BRAF: variants seen among roughly 807,000 people sequenced by gnomAD.
The protein encoded by BRAF is B-Raf proto-oncogene, serine/threonine kinase, also known as serine/threonine-protein kinase B-raf.
A neutral mutation model predicts 104.6 loss-of-function variants in BRAF; 16 were observed. The ratio of observed to expected loss-of-function variants is 0.15; its 90% CI spans 0.10 to 0.23. The LOEUF is 0.23. BRAF is among the 10% of genes least tolerant of loss of function. The pLI is 1.00. For synonymous variants in BRAF, 310 were observed against 341.6 expected, an observed-to-expected ratio of 0.91 and a Z score of 1.02; for missense variants, 541 against 937.3, an observed-to-expected ratio of 0.58 and a Z score of 5.52.
At chr7:140,901,640 G>GTA (rs1815649236) in intron 1 of BRAF, among the ~76,000 whole-genome samples, 2 of 152,222 alleles carry the variant, frequency 1.3e-5, no homozygotes, top group South Asian at 4.1e-4. Context: ...TCAGTACAGG[G>GTA]TATGTACCAT....
In BRAF at chr7:140,801,395, A is replaced by G. The variant is rs1317276472; in HGVS notation, c.860+17T>C. Reference sequence around the variant, plus strand: ...GTAAAATGGTAGGTAGAAAAGAGATATTTTTGGATTACTTACTCAAGTTGG... The same window carrying G: ...GTAAAATGGTAGGTAGAAAAGAGATGTTTTTGGATTACTTACTCAAGTTGG... On this transcript the variant is annotated intron_variant, in intron 6 of 19. Coordinates refer to ENST00000644969, the MANE Select transcript of BRAF (RefSeq NM_001374258.1). 6.2e-7 allele frequency: 1 copy of G among 1,613,060 alleles called. No individual in the cohort carries two copies. Among genetic ancestry groups the G allele is most frequent in the Non-Finnish European group, 8.5e-7 (1 of 1,179,140 alleles).
intron 1 of BRAF, among the ~76,000 whole-genome samples, chr7:140,876,106 G>A (rs1812223355): frequency 6.6e-6 from 1 of 152,118 alleles, no homozygotes; most frequent in Non-Finnish European, 1.5e-5. Flanking sequence ...CAATAGCATT[G>A]CCCAATGAAG....
chr7:140,897,343 G>A (rs1815050691), intron 1 of BRAF, among the ~76,000 whole-genome samples: 1 of 151,964 alleles, frequency 6.6e-6, no homozygotes, highest in African/African-American at 2.4e-5. Context: ...TGTACAAATG[G>A]TGTTGGGAAA....
At position 140,778,082 on chromosome 7, in the gene BRAF, G is replaced by C. The variant is rs1057522055; in HGVS notation, c.1553-7C>G. The C allele has an allele frequency of 6.2e-7, 1 of 1,613,014 alleles. No individual in the cohort carries two copies. On this transcript the variant is annotated splice_region_variant and splice_polypyrimidine_tract_variant and intron_variant, in intron 12 of 19. Transcript: ENST00000644969. ...ATTTTCACTGCCACATCACCTAAAA[G>C]GCAATTGTTACTCCAAGTGTCATTT...
At chr7:140,827,815 T>C (rs949406681) in intron 3 of BRAF, among the ~76,000 whole-genome samples, 3 of 152,218 alleles carry the variant, frequency 2.0e-5, no homozygotes, top group Non-Finnish European at 4.4e-5. Flanking sequence ...TGCTAAAGCA[T>C]GAAACCAGCC....
At chr7:140,800,918 A>G (rs1803035299) in intron 6 of BRAF, 1 of 245,284 alleles carries the variant, frequency 4.1e-6, no homozygotes, top group East Asian at 1.1e-4. Flanking sequence ...AAAAACTGGC[A>G]TACAGCAAAG....
intron 1 of BRAF, among the ~76,000 whole-genome samples, chr7:140,884,460 T>TGC (rs1563016027): frequency 1.3e-5 from 2 of 150,494 alleles, no homozygotes; most frequent in African/African-American, 4.9e-5. Flanking sequence ...TGTGTGTGTG[T>TGC]GTGTGTGTGT....
At chr7:140,871,080 A>G (rs952547974) in intron 1 of BRAF, among the ~76,000 whole-genome samples, 1 of 151,478 alleles carries the variant, frequency 6.6e-6, no homozygotes, top group Non-Finnish European at 1.5e-5. Context: ...ACAAAAAAAA[A>G]TACAAAAAAA....
intron 7 of BRAF, chr7:140,799,758 T>A (rs962764088): frequency 4.2e-6 from 1 of 237,090 alleles, no homozygotes; most frequent in Non-Finnish European, 8.3e-6. Flanking sequence ...CATACTTCAA[T>A]ATACTCCATC....
intron 1 of BRAF, among the ~76,000 whole-genome samples, chr7:140,898,180 G>C (rs1295268508): frequency 6.6e-6 from 1 of 152,138 alleles, no homozygotes; most frequent in African/African-American, 2.4e-5. Flanking sequence ...TCTCAAAAGA[G>C]TGGGAGGCTT....
In BRAF at chr7:140,721,356, T is replaced by C. The variant is rs1181938911; in HGVS notation, c.*5138A>G. 2 of 1,214,908 alleles carry C rather than the reference T, an allele frequency of 1.6e-6. No homozygotes were observed. Among genetic ancestry groups the C allele is most frequent in the Non-Finnish European group, 2.0e-6 (2 of 977,804 alleles). 75.3% of individuals were successfully genotyped at this position (1,214,908 alleles called of 1,614,324 possible). A position where few individuals can be genotyped will look rare whatever the true frequency, so the allele number is the denominator to read the frequency against. Reference sequence around the variant, plus strand: ...GATTTTAGGAGTTGGGTTTCTGTCCTTTTCCACATTAAAAATACCTGATAG... The same window carrying C: ...GATTTTAGGAGTTGGGTTTCTGTCCCTTTCCACATTAAAAATACCTGATAG... On this transcript the variant is annotated 3_prime_UTR_variant, in exon 20 of 20. Coordinates refer to ENST00000644969, the MANE Select transcript of BRAF (RefSeq NM_001374258.1).
At chr7:140,735,553 T>C (rs1454583100) in intron 18 of BRAF, among the ~76,000 whole-genome samples, 11 of 152,128 alleles carry the variant, frequency 7.2e-5, no homozygotes, top group Non-Finnish European at 1.6e-4. Context: ...TGTCCTGAGA[T>C]ACCAATTTTT....
intron 3 of BRAF, chr7:140,823,882 T>C (rs929608519): frequency 2.6e-5 from 4 of 152,200 alleles, no homozygotes; most frequent in Non-Finnish European, 5.9e-5. Flanking sequence ...TATCTCCTTG[T>C]GGTTTTGATT....
chr7:140,878,257 C>T (rs1352204430), intron 1 of BRAF, among the ~76,000 whole-genome samples: 1 of 151,958 alleles, frequency 6.6e-6, no homozygotes, highest in East Asian at 1.9e-4. Flanking sequence ...TACCTCACAC[C>T]ATATTTTAAA....
chr7:140,791,562 A>C (rs1391921860), intron 8 of BRAF, among the ~76,000 whole-genome samples: 2 of 152,282 alleles, frequency 1.3e-5, no homozygotes, highest in Non-Finnish European at 1.5e-5. Flanking sequence ...AGCAATTTAC[A>C]TCCATGGCTT....
intron 1 of BRAF, among the ~76,000 whole-genome samples, chr7:140,903,383 T>A (rs1815895010): frequency 6.6e-6 from 1 of 152,246 alleles, no homozygotes. Flanking sequence ...GATGACAGCA[T>A]ATTCTTTTAC....
chr7:140,792,843 T>G (rs1227108242), intron 8 of BRAF, among the ~76,000 whole-genome samples: 2 of 152,164 alleles, frequency 1.3e-5, no homozygotes, highest in Non-Finnish European at 2.9e-5. Flanking sequence ...TGAATAAAAA[T>G]GCTAAAGAGT....
At chr7:140,760,439 AGAT>A (rs1220744989) in intron 14 of BRAF, among the ~76,000 whole-genome samples, 1 of 146,930 alleles carries the variant, frequency 6.8e-6, no homozygotes, top group Non-Finnish European at 1.5e-5. Context: ...AAAAAAAAAA[AGAT>A]GTTTTCTGGA....
At chr7:140,790,655 A>G (rs1801857187) in intron 8 of BRAF, among the ~76,000 whole-genome samples, 1 of 152,212 alleles carries the variant, frequency 6.6e-6, no homozygotes, top group South Asian at 2.1e-4. Flanking sequence ...AGAGCTGGCT[A>G]TGTCCATCTT....
Sources: gnomAD v4.1 joint callset for allele counts (sites outside exome capture counted in the v4.1 genomes callset) on GRCh38, gnomAD v4.1.1 for gene constraint, MANE v1.5 for transcripts, NCBI Gene and HGNC (gene_info 2026-07-23, HGNC 2026-07-21) for gene names.